The following PCDH7 variants were observed in gnomAD, a reference collection of about 807,000 sequenced individuals.
The protein encoded by PCDH7 is protocadherin-7.
PCDH7 carries 17 observed loss-of-function variants against 58.9 expected under a neutral mutation model. The observed-to-expected ratio is 0.29, with a 90% CI of 0.20 to 0.43. PCDH7 has a LOEUF of 0.43. PCDH7 is among the 20% of genes least tolerant of loss of function. PCDH7 has a pLI of 1.00. For synonymous variants in PCDH7, 664 were observed against 616.4 expected (o/e 1.08, Z -1.14); for missense variants, 1,274 against 1,441.0 (o/e 0.88, Z 1.88).
At chr4:31,019,188 G>A (rs1204387964) in intron 3 of PCDH7, among the ~76,000 whole-genome samples, 9 of 151,898 alleles carry the variant, frequency 5.9e-5, no homozygotes, top group African/African-American at 2.2e-4. Flanking sequence ...AAAGATAAAT[G>A]TCTATATATA....
intron 1 of PCDH7, among the ~76,000 whole-genome samples, chr4:30,788,095 A>G (rs554752661): frequency 6.6e-6 from 1 of 152,146 alleles, no homozygotes; most frequent in Non-Finnish European, 1.5e-5. Flanking sequence ...GCTGTCTCAC[A>G]TAGCGGCAGG....
chr4:30,967,254 G>A (rs1000035567), intron 3 of PCDH7, among the ~76,000 whole-genome samples: 3 of 151,988 alleles, frequency 2.0e-5, no homozygotes, highest in Non-Finnish European at 4.4e-5. Context: ...TTATCCGTTT[G>A]GTTATTTGGT....
rs1713673378 is a variant in PCDH7 at position 30,722,040 on chromosome 4, C to T, written c.618C>T (p.Tyr206=). The T allele has an allele frequency of 8.1e-6, 10 of 1,241,892 alleles. No individual in the cohort carries two copies. The highest frequency in any genetic ancestry group is 3.2e-5 in the East Asian group (1 of 31,340). 76.9% of individuals were successfully genotyped at this position (1,241,892 alleles called of 1,614,324 possible). The change falls in exon 1 of 2, where the codon TAC becomes TAT. Residue 206 remains tyrosine, a synonymous_variant. Coordinates refer to ENST00000361762, the Ensembl canonical transcript of PCDH7. This position sits in a 1 kb window ranked among gnomAD's most constrained non-coding sequence, Gnocchi z 7.6. ...CCGGGGCGGCCGACAGCGCCCCCTA[C>T]CCCGGGGGCGGCGGGAACGGCGCGA...
intron 1 of PCDH7, among the ~76,000 whole-genome samples, chr4:30,878,623 C>G (rs112804057): frequency 0.089 from 13,517 of 152,088 alleles, 764 homozygotes; most frequent in Non-Finnish European, 0.12. Context: ...CCAAGATAGG[C>G]AGATCACCTG....
downstream of PCDH7, among the ~76,000 whole-genome samples, chr4:30,733,656 T>A (rs1316024357): frequency 1.3e-5 from 2 of 152,174 alleles, no homozygotes; most frequent in African/African-American, 4.8e-5. Flanking sequence ...ACATGTTTGC[T>A]TATTTGTACC....
intron 3 of PCDH7, among the ~76,000 whole-genome samples, chr4:31,103,121 C>T (rs1715106539): frequency 6.6e-6 from 1 of 152,120 alleles, no homozygotes; most frequent in African/African-American, 2.4e-5. Flanking sequence ...TACAGGTCTC[C>T]TTACAAGACG....
chr4:30,989,220 T>G (rs752167271), intron 3 of PCDH7, among the ~76,000 whole-genome samples: 2 of 152,096 alleles, frequency 1.3e-5, no homozygotes, highest in Non-Finnish European at 2.9e-5. Flanking sequence ...TCTCATGATC[T>G]GTCACAAGAA....
chr4:31,039,708 A>G (rs942882793), intron 3 of PCDH7, among the ~76,000 whole-genome samples: 1 of 152,216 alleles, frequency 6.6e-6, no homozygotes, highest in African/African-American at 2.4e-5. Context: ...TAGAAGAGCA[A>G]CTGGAAGACT....
At chr4:30,859,027 T>TA (rs1560442115) in intron 1 of PCDH7, among the ~76,000 whole-genome samples, 1 of 152,200 alleles carries the variant, frequency 6.6e-6, no homozygotes, top group Non-Finnish European at 1.5e-5. Context: ...TCCTGAGCAC[T>TA]ACAGCTTATA....
At chr4:30,866,181 T>G (rs1369531314) in intron 1 of PCDH7, among the ~76,000 whole-genome samples, 1 of 152,064 alleles carries the variant, frequency 6.6e-6, no homozygotes, top group Non-Finnish European at 1.5e-5. Flanking sequence ...TGGCAAAATT[T>G]TAAAAAAGCT....
chr4:31,044,366 T>C (rs534939827), intron 3 of PCDH7, among the ~76,000 whole-genome samples: 4 of 152,180 alleles, frequency 2.6e-5, no homozygotes, highest in Admixed American at 2.6e-4. Flanking sequence ...TTATATAGTG[T>C]AAATTTTATA....
chr4:30,843,211 A>G (rs1394857101), intron 1 of PCDH7, among the ~76,000 whole-genome samples: 5 of 151,560 alleles, frequency 3.3e-5, no homozygotes, highest in Non-Finnish European at 7.4e-5. Flanking sequence ...TTATTTATTT[A>G]TTTATTTACA....
intron 1 of PCDH7, among the ~76,000 whole-genome samples, chr4:30,830,158 T>C (rs1729591151): frequency 1.3e-5 from 2 of 152,134 alleles, no homozygotes; most frequent in South Asian, 4.1e-4. Context: ...TAAATGCATA[T>C]TATTTAAATT....
chr4:30,723,963 T>C lies in PCDH7; in HGVS notation c.2541T>C (p.Thr847=). The C allele has an allele frequency of 6.2e-7, 1 of 1,614,168 alleles. No individual in the cohort carries two copies. Among genetic ancestry groups the C allele is most frequent in the South Asian group, 1.1e-5 (1 of 91,078 alleles). ...TCAATGAAAGTGTTTCTAATGCAAC[T>C]GCGATTGACTCCCAGATAGCTAGAA... Residue 847 remains threonine (T), a synonymous_variant, in exon 1 of 2, where the codon ACT becomes ACC. Coordinates refer to ENST00000361762, the Ensembl canonical transcript of PCDH7. This position sits in a 1 kb window ranked among gnomAD's most constrained non-coding sequence, Gnocchi z 4.6.
chr4:31,089,545 G>A (rs533285939), intron 3 of PCDH7, among the ~76,000 whole-genome samples: 2 of 151,892 alleles, frequency 1.3e-5, no homozygotes, highest in Non-Finnish European at 2.9e-5. Context: ...ATTAGATGCT[G>A]TTTATATAGA....
chr4:30,912,651 AGTT>A (rs1187608403), intron 1 of PCDH7, among the ~76,000 whole-genome samples: 1 of 152,180 alleles, frequency 6.6e-6, no homozygotes, highest in African/African-American at 2.4e-5. Context: ...TTCCCAATAA[AGTT>A]GTCTGTAAGA....
Position 30,722,292 on chromosome 4 carries a change from G to A in PCDH7, c.870G>A (p.Ser290=). Residue 290 remains serine, a synonymous_variant, in exon 1 of 2, where the codon TCG becomes TCA. Transcript: ENST00000361762. This position sits in a 1 kb window ranked among gnomAD's most constrained non-coding sequence, Gnocchi z 7.6. ...ACGGCGGCGACCCGCCTCGCTCCTCGCAGGCCATCCTACGGGTCCTCATCA... is the reference window on the plus strand; with the variant it reads ...ACGGCGGCGACCCGCCTCGCTCCTCACAGGCCATCCTACGGGTCCTCATCA... The A allele has an allele frequency of 6.2e-7, 1 of 1,605,238 alleles. No homozygotes were observed. The highest frequency in any genetic ancestry group is 8.5e-7 in the Non-Finnish European group (1 of 1,176,938).
chr4:30,814,879 T>C (rs975132013), intron 1 of PCDH7, among the ~76,000 whole-genome samples: 1 of 152,122 alleles, frequency 6.6e-6, no homozygotes, highest in African/African-American at 2.4e-5. Flanking sequence ...GCAAATGTGT[T>C]AATTAAGACT....
chr4:30,775,393 G>T (rs1312039266), intron 1 of PCDH7, among the ~76,000 whole-genome samples: 4 of 152,152 alleles, frequency 2.6e-5, no homozygotes, highest in African/African-American at 9.7e-5. Context: ...CTTGGAGTGT[G>T]TGTGTGAGTG....
Sources: gnomAD v4.1 joint callset for allele counts (sites outside exome capture counted in the v4.1 genomes callset) on GRCh38, gnomAD v4.1.1 for gene constraint, Gnocchi (gnomAD v3.1) non-coding constraint, MANE v1.5 for transcripts, NCBI Gene and HGNC (gene_info 2026-07-23, HGNC 2026-07-21) for gene names.